The following HDAC8 variants were observed in gnomAD, a reference collection of about 807,000 sequenced individuals.
HDAC8 encodes histone deacetylase 8.
Under a neutral mutation model 32.2 loss-of-function variants are expected in HDAC8, and 1 was observed. The ratio of observed to expected loss-of-function variants is 0.03; its 90% CI spans 0.01 to 0.15. The LOEUF is 0.15. Among genes scored for constraint, HDAC8 ranks in the 10% least tolerant of loss-of-function variants. The pLI, the probability that HDAC8 is intolerant of heterozygous loss-of-function variation, is 1.00. For missense variants in HDAC8, 117 were observed against 300.0 expected, an observed-to-expected ratio of 0.39 and a Z score of 4.51; for synonymous variants, 108 against 113.9, an observed-to-expected ratio of 0.95 and a Z score of 0.33.
chrX:72,418,647 C>G (rs1555972613), intron 9 of HDAC8, among the ~76,000 whole-genome samples: 2 of 111,821 alleles, frequency 1.8e-5, no homozygotes, highest in Non-Finnish European at 3.8e-5. Flanking sequence ...GAACTTAGAA[C>G]AGAACTACCA....
intron 8 of HDAC8, among the ~76,000 whole-genome samples, chrX:72,463,602 G>T (rs1269580888): frequency 8.9e-6 from 1 of 111,786 alleles, no homozygotes; most frequent in African/African-American, 3.2e-5. Flanking sequence ...TTTTTCTTCA[G>T]TTGAAGTTAA....
chrX:72,342,330 G>A (rs1369641490), intron 10 of HDAC8, among the ~76,000 whole-genome samples: 1 of 112,462 alleles, frequency 8.9e-6, no homozygotes, highest in Non-Finnish European at 1.9e-5. Context: ...GGAACTCTGT[G>A]GTGAGAATCC....
At position 72,489,050 on chromosome X, in the gene HDAC8, G is replaced by A. The variant is rs2048771477; in HGVS notation, c.629-9C>T. The A allele has an allele frequency of 8.9e-7, 1 of 1,117,881 alleles. No homozygotes were observed. Among genetic ancestry groups the A allele is most frequent in the Non-Finnish European group, 1.2e-6 (1 of 819,278 alleles). 92.1% of individuals were successfully genotyped at this position (1,117,881 alleles called of 1,213,427 possible). A position where few individuals can be genotyped will look rare whatever the true frequency, so the allele number is the denominator to read the frequency against. Reference sequence around the variant, plus strand: ...AGACACGTCACCTGTTCCTATAAAAGAGAAGAGCACTATGATCAGTTATTA... The same window carrying A: ...AGACACGTCACCTGTTCCTATAAAAAAGAAGAGCACTATGATCAGTTATTA... On this transcript the variant is annotated splice_polypyrimidine_tract_variant and intron_variant, in intron 6 of 10. Coordinates refer to ENST00000373573, the MANE Select transcript of HDAC8 (RefSeq NM_018486.3).
chrX:72,565,991 A>G (rs1556132875), intron 4 of HDAC8, among the ~76,000 whole-genome samples: 1 of 108,772 alleles, frequency 9.2e-6, no homozygotes, highest in Non-Finnish European at 1.9e-5. Context: ...TACAAAAAAT[A>G]CAAAAATTAT....
chrX:72,371,840 A>G lies in HDAC8; in HGVS notation c.1006-20002T>C, dbSNP rs191397365. The stretch of plus-strand genomic sequence containing the variant: ...GTAGTCAAAGGAGATATAGCAGTGA[A>G]CAAAACAAAGTCTCTGCCTTCAGGG... On this transcript the variant is annotated intron_variant, in intron 9 of 10. Coordinates refer to ENST00000373573, the MANE Select transcript of HDAC8 (RefSeq NM_018486.3). 1.7e-3 allele frequency among the ~76,000 whole-genome samples: 188 copies of G among 112,440 alleles called. 1 individual carries two copies. The highest frequency in any genetic ancestry group is 6.0e-3 in the African/African-American group (185 of 30,976).
intron 9 of HDAC8, among the ~76,000 whole-genome samples, chrX:72,429,328 G>A (rs782049807): frequency 8.9e-6 from 1 of 112,023 alleles, no homozygotes; most frequent in South Asian, 3.7e-4. Context: ...ACCTTGGCAT[G>A]TGCTTAGAGC....
intron 5 of HDAC8, 57 bp from the exon 6 acceptor site, chrX:72,491,063 A>G (rs2048855212): frequency 8.2e-6 from 7 of 857,315 alleles, no homozygotes; most frequent in African/African-American, 2.0e-5. Flanking sequence ...CCTATTTTCA[A>G]CATCTGAAAA....
chrX:72,572,749 C>T lies in HDAC8; in HGVS notation c.13G>A (p.Glu5Lys). 8.3e-7 allele frequency: 1 copy of T among 1,209,608 alleles called. No homozygotes were observed. Among genetic ancestry groups the T allele is most frequent in the African/African-American group, 1.7e-5 (1 of 57,697 alleles). The part of the protein sequence containing the change: MEEP[E>K]EPADSGQSLV... ...GACTGCCCACTGTCCGCCGGTTCCT[C>T]CGGCTCCTCCATCTTCCGCTTAAAA... The change falls in exon 1 of 11, where the codon GAG (glutamate) becomes AAG (lysine). Residue 5 changes from glutamate to lysine, a missense_variant. Coordinates refer to ENST00000373573, the MANE Select transcript of HDAC8 (RefSeq NM_018486.3).
chrX:72,458,566 A>G (rs2047783755), intron 9 of HDAC8, among the ~76,000 whole-genome samples: 1 of 111,647 alleles, frequency 9.0e-6, no homozygotes, highest in Non-Finnish European at 1.9e-5. Flanking sequence ...TTACGCTTCC[A>G]ATTCTTTCAT....
intron 7 of HDAC8, chrX:72,473,850 C>T (rs1288606789): frequency 2.7e-6 from 2 of 753,134 alleles, no homozygotes; most frequent in African/African-American, 4.6e-5. Context: ...AAAATGTTTA[C>T]AGAATATGGT....
At chrX:72,443,960 C>T (rs1406662241) in intron 9 of HDAC8, among the ~76,000 whole-genome samples, 2 of 107,566 alleles carry the variant, frequency 1.9e-5, no homozygotes, top group Non-Finnish European at 3.8e-5. Context: ...TTCCTCAACA[C>T]ATACACCCTC....
At chrX:72,346,555 C>T (rs782057692) in intron 10 of HDAC8, among the ~76,000 whole-genome samples, 2 of 112,109 alleles carry the variant, frequency 1.8e-5, no homozygotes, top group South Asian at 3.7e-4. Context: ...GCTGCTTATA[C>T]GCAGCACAAT....
At chrX:72,396,913 A>G (rs2045779563) in intron 9 of HDAC8, among the ~76,000 whole-genome samples, 1 of 111,992 alleles carries the variant, frequency 8.9e-6, no homozygotes, top group East Asian at 2.8e-4. Flanking sequence ...ACAAAGAAAT[A>G]TCTGAGACTG....
At chrX:72,559,246 T>C (rs1377529231) in intron 4 of HDAC8, among the ~76,000 whole-genome samples, 3 of 107,542 alleles carry the variant, frequency 2.8e-5, no homozygotes, top group Non-Finnish European at 5.8e-5. Context: ...GTTTTCGTAC[T>C]TTTTTGGTGG....
intron 9 of HDAC8, among the ~76,000 whole-genome samples, chrX:72,421,773 G>T (rs965693081): frequency 9.0e-6 from 1 of 111,469 alleles, no homozygotes; most frequent in African/African-American, 3.3e-5. Context: ...ATATAGCTTC[G>T]ATTTACAGTC....
At chrX:72,477,890 G>A (rs1229541501) in intron 7 of HDAC8, among the ~76,000 whole-genome samples, 1 of 112,102 alleles carries the variant, frequency 8.9e-6, no homozygotes, top group African/African-American at 3.2e-5. Flanking sequence ...TCCAGATGGG[G>A]AAACTGGATC....
At chrX:72,503,894 A>G (rs2049305756) in intron 4 of HDAC8, among the ~76,000 whole-genome samples, 1 of 112,098 alleles carries the variant, frequency 8.9e-6, no homozygotes, top group Admixed American at 9.5e-5. Context: ...CAGCCTTACA[A>G]CTGAGTAAGG....
At chrX:72,406,558 C>A (rs1181736365) in intron 9 of HDAC8, among the ~76,000 whole-genome samples, 1 of 112,310 alleles carries the variant, frequency 8.9e-6, no homozygotes, top group East Asian at 2.8e-4. Flanking sequence ...AATTAAAATT[C>A]TTGGCTTGTG....
At chrX:72,456,723 C>T (rs146346782) in intron 9 of HDAC8, among the ~76,000 whole-genome samples, 1 of 110,879 alleles carries the variant, frequency 9.0e-6, no homozygotes, top group Non-Finnish European at 1.9e-5. Context: ...CGCGTGAACC[C>T]GAGAGGCGGA....
Sources: allele counts gnomAD v4.1 joint callset (sites outside exome capture counted in the v4.1 genomes callset), GRCh38; gene constraint gnomAD v4.1.1; transcripts MANE v1.5; gene names NCBI Gene and HGNC (gene_info 2026-07-23, HGNC 2026-07-21).